Variants in JHY observed in about 807,000 individuals in gnomAD.
The protein encoded by JHY is junctional cadherin complex regulator.
A neutral mutation model predicts 78.0 loss-of-function variants in JHY; 69 were observed. That is an observed-to-expected ratio of 0.88 (90% CI 0.73 to 1.08). The LOEUF is 1.08. Among genes scored for constraint, JHY ranks in the 50% least tolerant of loss-of-function variants. The pLI is 0.00. For missense variants in JHY, 944 were observed against 927.8 expected, an observed-to-expected ratio of 1.02 and a Z score of -0.23; for synonymous variants, 368 against 342.6, an observed-to-expected ratio of 1.07 and a Z score of -0.82.
chr11:122,927,169 G>A (rs1863525795), intron 4 of JHY: 1 of 152,198 alleles, frequency 6.6e-6, no homozygotes, highest in South Asian at 2.1e-4. Flanking sequence ...TAGTCTCTAT[G>A]GAGACTGAAG....
At chr11:122,921,035 CAA>C (rs759682121) in intron 3 of JHY, among the ~76,000 whole-genome samples, 12 of 139,042 alleles carry the variant, frequency 8.6e-5, no homozygotes, top group Non-Finnish European at 7.9e-5. Context: ...GAATGGTTCA[CAA>C]AAAAAAAAAA....
Position 122,946,490 on chromosome 11 carries a change from TCA to T in JHY, c.1635-7_1635-6del. On this transcript the variant is annotated splice_region_variant and splice_polypyrimidine_tract_variant and intron_variant, in intron 5 of 8. Coordinates refer to ENST00000227349, the MANE Select transcript of JHY (RefSeq NM_024806.4). ...TAATAGATTTGTGCCTTTTTTTTTT[TCA>T]TTAAGGAAATTCCATTCTTCTTCTG... 2.6e-6 allele frequency: 4 copies of T among 1,556,302 alleles called. No individual in the cohort carries two copies. The highest frequency in any genetic ancestry group is 2.8e-5 in the African/African-American group (2 of 72,018).
chr11:122,958,397 T>A (rs1269591930), intron 8 of JHY, among the ~76,000 whole-genome samples: 1 of 152,242 alleles, frequency 6.6e-6, no homozygotes, highest in Non-Finnish European at 1.5e-5. Context: ...TCCACTTGAT[T>A]GAGTTTCTAT....
intron 4 of JHY, among the ~76,000 whole-genome samples, chr11:122,931,933 A>G (rs935789403): frequency 6.6e-6 from 1 of 152,206 alleles, no homozygotes; most frequent in African/African-American, 2.4e-5. Context: ...AGCATTAGGC[A>G]TCAGGATTCC....
chr11:122,958,506 T>A (rs746435890), intron 8 of JHY, among the ~76,000 whole-genome samples: 1 of 151,820 alleles, frequency 6.6e-6, no homozygotes, highest in Non-Finnish European at 1.5e-5. Flanking sequence ...TTCACCTACA[T>A]GCACTGAGAA....
chr11:122,951,373 G>T (rs534766130), intron 6 of JHY, among the ~76,000 whole-genome samples: 1 of 152,328 alleles, frequency 6.6e-6, no homozygotes, highest in East Asian at 1.9e-4. Flanking sequence ...ACTGTGCTGA[G>T]CTGAAGTAAT....
Position 122,934,779 on chromosome 11 carries a change from A to G in JHY, c.1338A>G (p.Lys446=), listed in dbSNP as rs34653644. The change falls in exon 5 of 9, where the codon AAA becomes AAG. Residue 446 remains lysine (K), a synonymous_variant. Transcript: ENST00000227349. Reference sequence around the variant, plus strand: ...CCTCCAATACATTTGCTCCACCAAAACAGGCTTTTGACAAGGTCTTATCTA... The same window carrying G: ...CCTCCAATACATTTGCTCCACCAAAGCAGGCTTTTGACAAGGTCTTATCTA... ...KETSNTFAPP[K]QAFDKVLSKN... 40,178 of 1,614,204 alleles carry G rather than the reference A, an allele frequency of 0.025. 1,170 individuals are homozygous for G. The highest frequency in any genetic ancestry group is 0.12 in the East Asian group (5,269 of 44,880).
intron 3 of JHY, among the ~76,000 whole-genome samples, chr11:122,920,207 A>G (rs1863332983): frequency 6.6e-6 from 1 of 152,254 alleles, no homozygotes; most frequent in South Asian, 2.1e-4. Flanking sequence ...TAGCCAAGTT[A>G]ATGGAGAAAT....
chr11:122,923,616 A>C (rs1015700779), intron 3 of JHY, among the ~76,000 whole-genome samples: 1 of 152,226 alleles, frequency 6.6e-6, no homozygotes, highest in Non-Finnish European at 1.5e-5. Flanking sequence ...TAAATAACTT[A>C]GGAACCTAAA....
At chr11:122,932,757 A>C (rs185258070) in intron 4 of JHY, among the ~76,000 whole-genome samples, 1 of 152,336 alleles carries the variant, frequency 6.6e-6, no homozygotes, top group Non-Finnish European at 1.5e-5. Flanking sequence ...ATCCATTACA[A>C]GAAAGGATTT....
intron 2 of JHY, among the ~76,000 whole-genome samples, chr11:122,888,896 G>A (rs768632075): frequency 2.0e-5 from 3 of 152,096 alleles, no homozygotes; most frequent in African/African-American, 4.8e-5. Flanking sequence ...ACTAAGACAT[G>A]GTCTTGGTTG....
rs533102871 is a variant in JHY at position 122,962,953 on chromosome 11, G to A, written c.*3508G>A. Among the ~76,000 whole-genome samples, 14 of 152,142 alleles carry A rather than the reference G, an allele frequency of 9.2e-5. No individual in the cohort carries two copies. The highest frequency in any genetic ancestry group is 3.4e-4 in the African/African-American group (14 of 41,532). ...GTTGTCCTTGTTTCTCTGTGTGGAT[G>A]AGCAACATATAGTTGCTATGAATTT... is the stretch of plus-strand genomic sequence containing the variant. On this transcript the variant is annotated 3_prime_UTR_variant, in exon 9 of 9. Transcript: ENST00000227349.
intron 6 of JHY, among the ~76,000 whole-genome samples, chr11:122,955,954 G>A (rs1864181492): frequency 2.0e-5 from 3 of 152,082 alleles, no homozygotes; most frequent in African/African-American, 7.2e-5. Context: ...GTCTAAGACT[G>A]GACAAAATGG....
intron 2 of JHY, among the ~76,000 whole-genome samples, chr11:122,887,127 T>A (rs926331350): frequency 6.6e-6 from 1 of 152,162 alleles, no homozygotes; most frequent in Non-Finnish European, 1.5e-5. Context: ...AGCAGACCAT[T>A]TGGGTTCAGA....
At chr11:122,939,222 G>A (rs934071237) in intron 5 of JHY, among the ~76,000 whole-genome samples, 7 of 152,164 alleles carry the variant, frequency 4.6e-5, no homozygotes, top group South Asian at 2.1e-4. Flanking sequence ...TCCTGACCCC[G>A]TGATCCACCC....
At chr11:122,948,541 A>G (rs1864015655) in intron 6 of JHY, among the ~76,000 whole-genome samples, 1 of 151,584 alleles carries the variant, frequency 6.6e-6, no homozygotes, top group Non-Finnish European at 1.5e-5. Context: ...CCCTCCTCAG[A>G]GGAAGCTTCC....
intron 4 of JHY, among the ~76,000 whole-genome samples, chr11:122,928,467 C>G (rs1863560405): frequency 6.6e-6 from 1 of 150,706 alleles, no homozygotes; most frequent in Non-Finnish European, 1.5e-5. Context: ...TGTGCAAAAT[C>G]AAAATATTTC....
In JHY at chr11:122,934,655, T is replaced by C. The variant is rs1447606217; in HGVS notation, c.1214T>C (p.Leu405Pro). 6.2e-7 allele frequency: 1 copy of C among 1,614,060 alleles called. No individual in the cohort carries two copies. The highest frequency in any genetic ancestry group is 8.5e-7 in the Non-Finnish European group (1 of 1,180,042). ...CAGCAACAAAACCAAAATAAGCCTC[T>C]TGATACTTCAACAAAGCCTGAATCG... ...PRQQQNQNKPLDTSTKPESIV... is the reference protein window; with the variant it reads ...PRQQQNQNKPPDTSTKPESIV... Residue 405 changes from leucine to proline, a missense_variant, in exon 5 of 9, where the codon CTT becomes CCT. Coordinates refer to ENST00000227349, the MANE Select transcript of JHY (RefSeq NM_024806.4).
intron 4 of JHY, among the ~76,000 whole-genome samples, chr11:122,925,712 T>C (rs1320158393): frequency 6.6e-6 from 1 of 151,752 alleles, no homozygotes; most frequent in Non-Finnish European, 1.5e-5. Context: ...TGAAACCCTG[T>C]CTCTACTAAA....
Sources: allele counts gnomAD v4.1 joint callset (sites outside exome capture counted in the v4.1 genomes callset), GRCh38; gene constraint gnomAD v4.1.1; transcripts MANE v1.5; gene names NCBI Gene and HGNC (gene_info 2026-07-23, HGNC 2026-07-21).